Variants in DPP9 observed in about 807,000 individuals in gnomAD.
DPP9 encodes the protein dipeptidyl peptidase 9.
A neutral mutation model predicts 110.7 loss-of-function variants in DPP9; 50 were observed. That is an observed-to-expected ratio of 0.45 (90% CI 0.36 to 0.57). The LOEUF (loss-of-function observed/expected upper bound fraction) is 0.57. DPP9 is among the 20% of genes least tolerant of loss of function. DPP9 has a pLI of 0.00. For synonymous variants in DPP9, 561 were observed against 514.4 expected, an observed-to-expected ratio of 1.09 and a Z score of -1.23; for missense variants, 1,022 against 1,217.9, an observed-to-expected ratio of 0.84 and a Z score of 2.39.
Position 4,694,812 on chromosome 19 carries a change from G to A in DPP9, c.1365C>T (p.Ile455=). ...VTNVWINVHD[I]FYPFPQSEGE... ...CCTCTGATTGGGGGAAGGGATAGAA[G>A]ATGTCATGAACCTGTCCGGAAAGCA... Residue 455 remains isoleucine (I), a synonymous_variant, in exon 13 of 22, where the codon ATC becomes ATT. Coordinates refer to ENST00000262960, the MANE Select transcript of DPP9 (RefSeq NM_139159.5). This position sits in a 1 kb window ranked among gnomAD's most constrained non-coding sequence, Gnocchi z 4.0. The A allele has an allele frequency of 6.2e-7, 1 of 1,613,854 alleles. No individual in the cohort carries two copies. Among genetic ancestry groups the A allele is most frequent in the Non-Finnish European group, 8.5e-7 (1 of 1,179,862 alleles).
Position 4,714,311 on chromosome 19 carries a change from T to G in DPP9, c.83A>C (p.Glu28Ala), listed in dbSNP as rs1210609467. The change falls in exon 4 of 22, where the codon GAG becomes GCG. Residue 28 changes from glutamate (E) to alanine (A), a missense_variant. Coordinates refer to ENST00000262960, the MANE Select transcript of DPP9 (RefSeq NM_139159.5). ...TGGGGTCCCGGTGGTGGCCATCCTC[T>G]CAGCCCCCTCGGAATTCAGCGAGAA... ...RSFSLNSEGA[E>A]RMATTGTPTA... 1 of 1,521,768 alleles carries G rather than the reference T, an allele frequency of 6.6e-7. No homozygotes were observed. The highest frequency in any genetic ancestry group is 2.4e-5 in the East Asian group (1 of 41,170). The allele number at this position is 1,521,768 out of a possible 1,614,324, so 94.3% of individuals were successfully genotyped here.
chr19:4,701,194 C>T (rs1025481884), intron 9 of DPP9, among the ~76,000 whole-genome samples: 2 of 152,102 alleles, frequency 1.3e-5, no homozygotes, highest in Admixed American at 6.6e-5. Flanking sequence ...AGTGGCCGGG[C>T]GTGTGGCTCA....
In DPP9 at chr19:4,682,914, C is replaced by T. The variant is rs761172421; in HGVS notation, c.2332-76G>A. 3.2e-5 allele frequency: 49 copies of T among 1,539,696 alleles called. No individual in the cohort carries two copies. Among genetic ancestry groups the T allele is most frequent in the South Asian group, 1.7e-4 (14 of 83,914 alleles). On this transcript the variant is annotated intron_variant, in intron 19 of 21. Transcript: ENST00000262960. This position sits in a 1 kb window ranked among gnomAD's most constrained non-coding sequence, Gnocchi z 7.1. ...GTCGGGTCCTACAGCCAGCATCAGC[C>T]GCTGTCCCGGGGCCGCCCTGGAGCC... is the stretch of plus-strand genomic sequence containing the variant.
At chr19:4,683,059 C>T in intron 19 of DPP9, 1 of 1,498,452 alleles carries the variant, frequency 6.7e-7, no homozygotes, top group Non-Finnish European at 8.9e-7. Flanking sequence ...GGTGCGGCCC[C>T]TCCCCGCCGC....
At chr19:4,683,089 C>T (rs1213052625) in intron 19 of DPP9, 10 of 1,486,566 alleles carry the variant, frequency 6.7e-6, no homozygotes, top group Non-Finnish European at 8.0e-6. Flanking sequence ...CCGGGTCCCA[C>T]TGCCCGTCTG....
In DPP9 at chr19:4,688,887, G is replaced by A. The variant is rs200794192; in HGVS notation, c.1755C>T (p.Phe585=). ...TGCTGTAGTGGCTGACGAACATGTC[G>A]AAGTTCTGGGGGTGGAATGGGGTGA... ...FSHSCSMSQN[F]DMFVSHYSSV... The change falls in exon 16 of 22, where the codon TTC becomes TTT. Residue 585 remains phenylalanine (F), a synonymous_variant. Transcript: ENST00000262960. 1.3e-4 allele frequency: 203 copies of A among 1,518,756 alleles called. No homozygotes were observed. Among genetic ancestry groups the A allele is most frequent in the Non-Finnish European group, 1.7e-4 (199 of 1,148,866 alleles). 94.1% of individuals were successfully genotyped at this position (1,518,756 alleles called of 1,614,324 possible). A position where few individuals can be genotyped will look rare whatever the true frequency, so the allele number is the denominator to read the frequency against.
At chr19:4,690,325 C>T (rs1235562658) in intron 14 of DPP9, among the ~76,000 whole-genome samples, 5 of 152,196 alleles carry the variant, frequency 3.3e-5, no homozygotes, top group East Asian at 3.9e-4. Flanking sequence ...GGAAAGGAGC[C>T]GGGAGGCCTC....
At chr19:4,702,739 TCAA>T (rs1361297251) in intron 7 of DPP9, 23 bp from the exon 8 acceptor site, 1 of 1,493,980 alleles carries the variant, frequency 6.7e-7, no homozygotes, top group Non-Finnish European at 9.0e-7. Flanking sequence ...ACGGAGAGCA[TCAA>T]CAAGGGGTGA....
At chr19:4,680,007 A>C in intron 20 of DPP9, 61 bp from the exon 21 acceptor site, 2 of 1,237,664 alleles carry the variant, frequency 1.6e-6, no homozygotes, top group South Asian at 2.5e-5. Context: ...GGAGGGGAGC[A>C]GATCACAAGG....
At chr19:4,686,857 G>A (rs1204268602) in intron 16 of DPP9, among the ~76,000 whole-genome samples, 1 of 152,300 alleles carries the variant, frequency 6.6e-6, no homozygotes, top group Non-Finnish European at 1.5e-5. Context: ...TGGGCGTGGC[G>A]GGACACGCTC....
At chr19:4,705,749 C>T in intron 5 of DPP9, 109 bp downstream of exon 5, 1 of 1,057,872 alleles carries the variant, frequency 9.5e-7, no homozygotes, top group Non-Finnish European at 1.4e-6. Flanking sequence ...TTTGTGGGAA[C>T]TCACAGCCGG....
Position 4,682,960 on chromosome 19 carries a change from A to G in DPP9, c.2332-122T>C, listed in dbSNP as rs1314263080. The stretch of plus-strand genomic sequence containing the variant: ...GAGCCCGTGAGGAGCGCTCATGCAC[A>G]TGGGGCCGGCAAGGAAGGGGCCCTC... On this transcript the variant is annotated intron_variant, in intron 19 of 21. Transcript: ENST00000262960. The surrounding 1 kb of genome is among the most constrained non-coding windows in gnomAD (Gnocchi z 7.1). 8 of 1,532,980 alleles carry G rather than the reference A, an allele frequency of 5.2e-6. No individual in the cohort carries two copies. Among genetic ancestry groups the G allele is most frequent in the Non-Finnish European group, 7.0e-6 (8 of 1,145,572 alleles). The allele number at this position is 1,532,980 out of a possible 1,614,324, so 95.0% of individuals were successfully genotyped here.
rs1305225144 is a variant in DPP9, at chr19:4,687,582, T to C, written c.1885+1175A>G. Reference sequence around the variant, plus strand: ...GTGACTGACCCTTTGCTCCTTTTCCTGATAAAGGCCTCGGAGTGTCGGCTC... The same window carrying C: ...GTGACTGACCCTTTGCTCCTTTTCCCGATAAAGGCCTCGGAGTGTCGGCTC... On this transcript the variant is annotated intron_variant, in intron 16 of 21. Coordinates refer to ENST00000262960, the MANE Select transcript of DPP9 (RefSeq NM_139159.5). This position sits in a 1 kb window ranked among gnomAD's most constrained non-coding sequence, Gnocchi z 4.7. Among the ~76,000 whole-genome samples the C allele has an allele frequency of 6.6e-6, 1 of 152,160 alleles. No homozygotes were observed. The highest frequency in any genetic ancestry group is 1.5e-5 in the Non-Finnish European group (1 of 68,026).
At chr19:4,703,862 G>A (rs757935410) in intron 7 of DPP9, 24 bp downstream of exon 7, 79 of 1,584,046 alleles carry the variant, frequency 5.0e-5, no homozygotes, top group East Asian at 6.9e-5. Flanking sequence ...TATGGTGGCC[G>A]TGCACAGGAG....
In DPP9 at chr19:4,684,580, C is replaced by G; in HGVS notation, c.2178+83G>C. The G allele has an allele frequency of 6.6e-7, 1 of 1,525,268 alleles. No individual in the cohort carries two copies. The highest frequency in any genetic ancestry group is 8.9e-7 in the Non-Finnish European group (1 of 1,126,092). The allele number at this position is 1,525,268 out of a possible 1,614,324, so 94.5% of individuals were successfully genotyped here. On this transcript the variant is annotated intron_variant, in intron 18 of 21. Transcript: ENST00000262960. This position sits in a 1 kb window ranked among gnomAD's most constrained non-coding sequence, Gnocchi z 4.8. ...CCTTCTGCGGGTGGTATTCCAGAGC[C>G]GCTCCCATGCCCTGCACCCACACGG...
In DPP9 at chr19:4,704,922, C is replaced by T. The variant is rs1022575100; in HGVS notation, c.427-618G>A. Among the ~76,000 whole-genome samples, 4 of 152,058 alleles carry T rather than the reference C, an allele frequency of 2.6e-5. No homozygotes were observed. The highest frequency in any genetic ancestry group is 2.1e-4 in the South Asian group (1 of 4,816). ...GCTGAGGCAGAAGAATCACTTGAACCGGGAGGCAGAGGTTGCAGTGAGCCG... is the reference window on the plus strand; with the variant it reads ...GCTGAGGCAGAAGAATCACTTGAACTGGGAGGCAGAGGTTGCAGTGAGCCG... On this transcript the variant is annotated intron_variant, in intron 5 of 21. Transcript: ENST00000262960. The surrounding 1 kb of genome is among the most constrained non-coding windows in gnomAD (Gnocchi z 6.0).
chr19:4,689,926 C>G lies in DPP9; in HGVS notation c.1597-204G>C, dbSNP rs575059670. Among the ~76,000 whole-genome samples the G allele has an allele frequency of 1.3e-5, 2 of 152,182 alleles. No individual in the cohort carries two copies. The highest frequency in any genetic ancestry group is 2.9e-5 in the Non-Finnish European group (2 of 68,030). On this transcript the variant is annotated intron_variant, in intron 14 of 21. Transcript: ENST00000262960. This position sits in a 1 kb window ranked among gnomAD's most constrained non-coding sequence, Gnocchi z 7.0. ...CCGTGGGCTGGGAGCAGCCCCTGGT[C>G]GAGCTGGGAACTGCGTGTCCTCAGG...
intron 13 of DPP9, among the ~76,000 whole-genome samples, chr19:4,692,828 G>T (rs1006883890): frequency 2.0e-5 from 3 of 152,168 alleles, no homozygotes; most frequent in African/African-American, 7.2e-5. Flanking sequence ...CCAATGAGCC[G>T]AAGACAGCTC....
In DPP9 at chr19:4,694,580, G is replaced by T. The variant is rs761779404; in HGVS notation, c.1516+81C>A. ...GCAGGGTGTGCTGGCTGAGTGGGGG[G>T]GCCGACCAATGAACAAACAGCATAT... On this transcript the variant is annotated intron_variant, in intron 13 of 21. Coordinates refer to ENST00000262960, the MANE Select transcript of DPP9 (RefSeq NM_139159.5). The surrounding 1 kb of genome is among the most constrained non-coding windows in gnomAD (Gnocchi z 4.0). The T allele has an allele frequency of 5.3e-6, 8 of 1,510,020 alleles. No individual in the cohort carries two copies. Among genetic ancestry groups the T allele is most frequent in the Admixed American group, 2.0e-5 (1 of 50,426 alleles). 93.5% of individuals were successfully genotyped at this position (1,510,020 alleles called of 1,614,324 possible).
Sources: allele counts gnomAD v4.1 joint callset (sites outside exome capture counted in the v4.1 genomes callset), GRCh38; gene constraint gnomAD v4.1.1; non-coding constraint Gnocchi (gnomAD v3.1); transcripts MANE v1.5; gene names NCBI Gene and HGNC (gene_info 2026-07-23, HGNC 2026-07-21).